The following PRR16 variants were observed in gnomAD, a reference collection of about 807,000 sequenced individuals.
The protein encoded by PRR16 is protein Largen.
PRR16 carries 6 observed loss-of-function variants against 18.2 expected under a neutral mutation model. The ratio of observed to expected loss-of-function variants is 0.33; its 90% CI spans 0.18 to 0.65. The LOEUF (loss-of-function observed/expected upper bound fraction) is 0.65. Among genes scored for constraint, PRR16 ranks in the 30% least tolerant of loss-of-function variants. PRR16 has a pLI of 0.74. For synonymous variants in PRR16, 151 were observed against 147.8 expected (o/e 1.02, Z -0.16); for missense variants, 412 against 376.6 (o/e 1.09, Z -0.78).
At chr5:120,620,133 T>C (rs1380732188) in intron 1 of PRR16, among the ~76,000 whole-genome samples, 3 of 152,138 alleles carry the variant, frequency 2.0e-5, no homozygotes, top group Non-Finnish European at 4.4e-5. Context: ...AGTTTGGTGT[T>C]TCTGTGAAAT....
At chr5:120,753,558 A>G in the PRR16 span, among the ~76,000 whole-genome samples, 1 of 151,736 alleles carries the variant, frequency 6.6e-6, no homozygotes, top group South Asian at 2.1e-4. Context: ...ATTTTTTATT[A>G]AAATTACACT....
chr5:120,784,481 T>A, the PRR16 span, among the ~76,000 whole-genome samples: 4 of 152,322 alleles, frequency 2.6e-5, no homozygotes, highest in East Asian at 7.7e-4. Flanking sequence ...ATTTTGTATA[T>A]GCCTGTTGGC....
At chr5:120,468,377 TCTTA>T (rs996585928) in intron 1 of PRR16, among the ~76,000 whole-genome samples, 27 of 152,144 alleles carry the variant, frequency 1.8e-4, no homozygotes, top group Admixed American at 1.6e-3. Context: ...TTCTTCTTTT[TCTTA>T]ATGTAAATAG....
At chr5:120,737,374 C>CTTTTTT in the PRR16 span, among the ~76,000 whole-genome samples, 1 of 66,426 alleles carries the variant, frequency 1.5e-5, no homozygotes, top group African/African-American at 5.7e-5. Flanking sequence ...TTTTTTTTTG[C>CTTTTTT]TTCAATTGAG....
intron 1 of PRR16, among the ~76,000 whole-genome samples, chr5:120,600,236 C>A (rs1753939871): frequency 6.6e-6 from 1 of 151,722 alleles, no homozygotes; most frequent in Non-Finnish European, 1.5e-5. Context: ...CTAAGAGATG[C>A]CATTCTATGC....
chr5:120,626,176 A>G (rs370973902), intron 1 of PRR16, among the ~76,000 whole-genome samples: 2 of 152,198 alleles, frequency 1.3e-5, no homozygotes, highest in African/African-American at 4.8e-5. Context: ...GTCCATAAAT[A>G]CATTATAATA....
chr5:120,770,438 A>T, the PRR16 span, among the ~76,000 whole-genome samples: 3 of 152,026 alleles, frequency 2.0e-5, no homozygotes, highest in South Asian at 4.1e-4. Flanking sequence ...TAGATTGAAG[A>T]CATAAACATA....
intron 1 of PRR16, among the ~76,000 whole-genome samples, chr5:120,502,414 A>G (rs1286734585): frequency 6.6e-6 from 1 of 151,080 alleles, no homozygotes; most frequent in African/African-American, 2.4e-5. Flanking sequence ...TTTGAACTAC[A>G]TGTAATAGTC....
At chr5:120,735,449 G>A in the PRR16 span, among the ~76,000 whole-genome samples, 3 of 152,280 alleles carry the variant, frequency 2.0e-5, no homozygotes, top group African/African-American at 7.2e-5. Flanking sequence ...TACAAGTGGT[G>A]TAGTTTCTTT....
the PRR16 span, among the ~76,000 whole-genome samples, chr5:120,695,937 G>GTA: frequency 7.3e-5 from 11 of 150,284 alleles, no homozygotes; most frequent in African/African-American, 2.4e-4. Context: ...ATGTGTGTGT[G>GTA]TATATATATA....
intron 1 of PRR16, among the ~76,000 whole-genome samples, chr5:120,545,979 A>G (rs569260730): frequency 2.0e-5 from 3 of 152,218 alleles, no homozygotes; most frequent in East Asian, 1.9e-4. Flanking sequence ...GCCTTCTACT[A>G]TTAAGGTCGA....
the PRR16 span, among the ~76,000 whole-genome samples, chr5:120,700,188 G>GAACT: frequency 1.3e-5 from 2 of 152,166 alleles, no homozygotes; most frequent in African/African-American, 4.8e-5. Flanking sequence ...CGCAGATCCT[G>GAACT]AACTAACTTG....
the PRR16 span, among the ~76,000 whole-genome samples, chr5:120,785,873 A>T: frequency 6.6e-6 from 1 of 151,210 alleles, no homozygotes; most frequent in East Asian, 1.9e-4. Context: ...CTGGCCTAGA[A>T]GTCTCTTAAA....
chr5:120,772,328 G>C, the PRR16 span, among the ~76,000 whole-genome samples: 1 of 151,958 alleles, frequency 6.6e-6, no homozygotes, highest in Middle Eastern at 3.4e-3. Flanking sequence ...TTTTGACTTA[G>C]CTTACTTTAC....
At chr5:120,681,468 T>G (rs574725024) in intron 1 of PRR16, among the ~76,000 whole-genome samples, 1 of 152,300 alleles carries the variant, frequency 6.6e-6, no homozygotes, top group African/African-American at 2.4e-5. Context: ...TTCCTAGTAT[T>G]TAGCTTCACA....
intron 1 of PRR16, among the ~76,000 whole-genome samples, chr5:120,605,534 C>T (rs1754125716): frequency 6.6e-6 from 1 of 152,118 alleles, no homozygotes; most frequent in Admixed American, 6.5e-5. Flanking sequence ...CCATTTCCAT[C>T]TGGTTAAGAA....
At chr5:120,503,701 C>A (rs7448156) in intron 1 of PRR16, among the ~76,000 whole-genome samples, 39,912 of 151,088 alleles carry the variant, frequency 0.26, 6,244 homozygotes, top group African/African-American at 0.45. Context: ...AGGATAGTTA[C>A]ATATGTATAC....
At chr5:120,627,440 C>A (rs1357217969) in intron 1 of PRR16, among the ~76,000 whole-genome samples, 1 of 152,032 alleles carries the variant, frequency 6.6e-6, no homozygotes, top group Non-Finnish European at 1.5e-5. Flanking sequence ...TAAATGGGAA[C>A]TGCAAGCTAT....
chr5:120,489,786 G>A (rs985925325), intron 1 of PRR16, among the ~76,000 whole-genome samples: 12 of 152,234 alleles, frequency 7.9e-5, no homozygotes, highest in African/African-American at 2.6e-4. Context: ...TGCAGTGGCT[G>A]GTACCGGTTG....
Sources: gnomAD v4.1 joint callset for allele counts (sites outside exome capture counted in the v4.1 genomes callset) on GRCh38, gnomAD v4.1.1 for gene constraint, MANE v1.5 for transcripts, NCBI Gene and HGNC (gene_info 2026-07-23, HGNC 2026-07-21) for gene names.